The following MICU2 variants were observed in gnomAD, a reference collection of about 807,000 sequenced individuals.
MICU2 encodes the protein mitochondrial calcium uptake 2, also known as calcium uptake protein 2, mitochondrial.
A neutral mutation model predicts 60.4 loss-of-function variants in MICU2; 64 were observed. The observed-to-expected ratio is 1.06, with a 90% CI of 0.87 to 1.31. The LOEUF (loss-of-function observed/expected upper bound fraction) is 1.31. Among genes scored for constraint, MICU2 ranks in the 50% most tolerant of loss-of-function variants. MICU2 has a pLI of 0.00. For synonymous variants in MICU2, 201 were observed against 175.0 expected (o/e 1.15, Z -1.17); for missense variants, 569 against 531.0 (o/e 1.07, Z -0.70).
chr13:21,496,212 T>C (rs1299883919), intron 9 of MICU2, 52 bp from the exon 10 acceptor site: 1 of 1,326,658 alleles, frequency 7.5e-7, no homozygotes, highest in African/African-American at 1.5e-5. Context: ...TAAATAATCT[T>C]ATAAATGTTA....
intron 1 of MICU2, among the ~76,000 whole-genome samples, chr13:21,574,643 A>T (rs565663263): frequency 1.3e-5 from 2 of 152,222 alleles, no homozygotes; most frequent in Non-Finnish European, 2.9e-5. Context: ...AGAAAGTGGG[A>T]AAAGAAAGGG....
At chr13:21,528,236 A>T (rs1886903694) in intron 4 of MICU2, among the ~76,000 whole-genome samples, 1 of 152,176 alleles carries the variant, frequency 6.6e-6, no homozygotes, top group South Asian at 2.1e-4. Flanking sequence ...GATAGTTCTT[A>T]TATGTGGTAA....
chr13:21,539,381 T>C lies in MICU2; in HGVS notation c.391-4A>G, dbSNP rs1374549584. The C allele has an allele frequency of 1.2e-6, 2 of 1,610,158 alleles. No individual in the cohort carries two copies. Among genetic ancestry groups the C allele is most frequent in the Non-Finnish European group, 8.5e-7 (1 of 1,178,682 alleles). On this transcript the variant is annotated splice_polypyrimidine_tract_variant and splice_region_variant and intron_variant, in intron 3 of 11. Transcript: ENST00000382374. The stretch of plus-strand genomic sequence containing the variant: ...CTGACAGTGTATCCTCGATGTCCTT[T>C]GAATACACATATTAAAATTAAACTT...
At chr13:21,549,161 C>T (rs370076888) in intron 2 of MICU2, among the ~76,000 whole-genome samples, 1 of 151,930 alleles carries the variant, frequency 6.6e-6, no homozygotes, top group Non-Finnish European at 1.5e-5. Flanking sequence ...GATCTCCTGA[C>T]CTCGTGATCC....
intron 2 of MICU2, among the ~76,000 whole-genome samples, chr13:21,544,532 A>AAAAC (rs560934524): frequency 0.27 from 35,077 of 131,918 alleles, 5,546 homozygotes; most frequent in Non-Finnish European, 0.33. Flanking sequence ...AAAAAAAAAA[A>AAAAC]AACTCAATAC....
chr13:21,604,026 G>A lies in MICU2; in HGVS notation c.123C>T (p.Gly41=), dbSNP rs755039618. Reference sequence around the variant, plus strand: ...CCGCTCCTGCTCCTGCCAGGGCCGCGCCGGCCACTGCCGCTGCCAAGGGGC... The same window carrying A: ...CCGCTCCTGCTCCTGCCAGGGCCGCACCGGCCACTGCCGCTGCCAAGGGGC... ...SPGPLAAAVA[G]AALAGAGAAW... The change falls in exon 1 of 12, where the codon GGC becomes GGT. Residue 41 remains glycine, a synonymous_variant. Coordinates refer to ENST00000382374, the MANE Select transcript of MICU2 (RefSeq NM_152726.3). 3.7e-6 allele frequency: 6 copies of A among 1,607,356 alleles called. No individual in the cohort carries two copies. The East Asian group carries it at 1.1e-4, about 30-fold the overall frequency.
chr13:21,594,681 T>C (rs917216640), intron 1 of MICU2, among the ~76,000 whole-genome samples: 4 of 152,174 alleles, frequency 2.6e-5, no homozygotes, highest in African/African-American at 9.7e-5. Flanking sequence ...ATATATACCA[T>C]ACAATACTAT....
intron 2 of MICU2, among the ~76,000 whole-genome samples, chr13:21,545,321 A>C (rs1384606129): frequency 6.6e-6 from 1 of 152,238 alleles, no homozygotes. Context: ...CATTATGCTA[A>C]GTGAAATCAA....
At chr13:21,519,423 C>A (rs1251533815) in intron 6 of MICU2, among the ~76,000 whole-genome samples, 3 of 152,106 alleles carry the variant, frequency 2.0e-5, no homozygotes, top group East Asian at 1.9e-4. Context: ...ACTCCATTAT[C>A]CTGCACTCAG....
intron 4 of MICU2, among the ~76,000 whole-genome samples, chr13:21,528,601 T>G (rs1478225119): frequency 6.6e-6 from 1 of 152,206 alleles, no homozygotes; most frequent in Non-Finnish European, 1.5e-5. Context: ...TCTACTGTTC[T>G]CTGTTTGTTC....
At chr13:21,549,506 CATA>C (rs1211091861) in intron 2 of MICU2, among the ~76,000 whole-genome samples, 1 of 152,096 alleles carries the variant, frequency 6.6e-6, no homozygotes, top group Non-Finnish European at 1.5e-5. Flanking sequence ...GCACGTGCAC[CATA>C]ATAAATTCTG....
intron 1 of MICU2, among the ~76,000 whole-genome samples, chr13:21,575,176 TACAC>T (rs1408153165): frequency 6.6e-6 from 1 of 151,910 alleles, no homozygotes; most frequent in Non-Finnish European, 1.5e-5. Flanking sequence ...CAGACACACA[TACAC>T]ACATAATTTT....
At chr13:21,600,546 A>AT (rs1888790738) in intron 1 of MICU2, among the ~76,000 whole-genome samples, 1 of 152,220 alleles carries the variant, frequency 6.6e-6, no homozygotes, top group African/African-American at 2.4e-5. Context: ...TGCTCCTGGC[A>AT]TATTGTCTAG....
chr13:21,560,597 T>G (rs1887816151), intron 2 of MICU2, among the ~76,000 whole-genome samples: 1 of 151,522 alleles, frequency 6.6e-6, no homozygotes, highest in Admixed American at 6.6e-5. Context: ...TTTTTCCGTA[T>G]AAATTTTCAA....
chr13:21,596,113 T>C (rs1422863035), intron 1 of MICU2, among the ~76,000 whole-genome samples: 2 of 152,110 alleles, frequency 1.3e-5, no homozygotes, highest in African/African-American at 4.8e-5. Flanking sequence ...GCAATGGAGG[T>C]ACTTACATTC....
At chr13:21,523,426 T>C (rs972370125) in intron 4 of MICU2, among the ~76,000 whole-genome samples, 2 of 105,920 alleles carry the variant, frequency 1.9e-5, no homozygotes, top group Non-Finnish European at 5.4e-5. Context: ...ACATCTCAAG[T>C]GAAGCAAATT....
At chr13:21,602,587 AATG>A (rs541799237) in intron 1 of MICU2, among the ~76,000 whole-genome samples, 1 of 152,156 alleles carries the variant, frequency 6.6e-6, no homozygotes, top group Non-Finnish European at 1.5e-5. Flanking sequence ...GAGAGAAACT[AATG>A]ATGAATACAC....
In MICU2 at chr13:21,556,035, G is replaced by T. The variant is rs576147947; in HGVS notation, c.358+10762C>A. Among the ~76,000 whole-genome samples the T allele has an allele frequency of 2.0e-5, 3 of 152,226 alleles. No homozygotes were observed. The South Asian group carries it at 6.2e-4, about 32-fold the overall frequency. ...CCAACACATATTAAAAGATCCTCTT[G>T]ATCGCATTTCCACCTCCATCTACTG... On this transcript the variant is annotated intron_variant, in intron 2 of 11. Coordinates refer to ENST00000382374, the MANE Select transcript of MICU2 (RefSeq NM_152726.3).
intron 9 of MICU2, among the ~76,000 whole-genome samples, chr13:21,499,520 C>T (rs1409628984): frequency 6.6e-6 from 1 of 151,698 alleles, no homozygotes; most frequent in Non-Finnish European, 1.5e-5. Flanking sequence ...CACCAATTCT[C>T]CTGCCTCTGC....
Sources: allele counts gnomAD v4.1 joint callset (sites outside exome capture counted in the v4.1 genomes callset), GRCh38; gene constraint gnomAD v4.1.1; transcripts MANE v1.5; gene names NCBI Gene and HGNC (gene_info 2026-07-23, HGNC 2026-07-21).